Variants in MIA3 observed in about 807,000 individuals in gnomAD.
MIA3 encodes MIA SH3 domain ER export factor 3.
A neutral mutation model predicts 192.4 loss-of-function variants in MIA3; 90 were observed. That is an observed-to-expected ratio of 0.47 (90% confidence interval 0.39 to 0.56). The LOEUF is 0.56. Ranked by LOEUF, MIA3 falls within the 20% of genes least tolerant of loss-of-function variation. The probability of loss-of-function intolerance (pLI) is 0.00; values close to 1 mark genes in which losing one functional copy is unlikely to be tolerated. For synonymous variants in MIA3, 740 were observed against 792.8 expected, an observed-to-expected ratio of 0.93 and a Z score of 1.12; for missense variants, 2,123 against 2,269.4, an observed-to-expected ratio of 0.94 and a Z score of 1.31.
At position 222,632,340 on chromosome 1, in the gene MIA3, A is replaced by T. The variant is rs767189381; in HGVS notation, c.3331+14A>T. Reference sequence around the variant, plus strand: ...ACCTGGACCCAGGTAAAGCCTGCTAATTTTTTTCTACAAAGTGGAGAAATC... The same window carrying T: ...ACCTGGACCCAGGTAAAGCCTGCTATTTTTTTTCTACAAAGTGGAGAAATC... On this transcript the variant is annotated intron_variant, in intron 5 of 27. Coordinates refer to ENST00000344922, the MANE Select transcript of MIA3 (RefSeq NM_198551.4). The T allele has an allele frequency of 2.5e-6, 4 of 1,604,604 alleles. No homozygotes were observed. The Admixed American group carries it at 5.2e-5, about 21-fold the overall frequency.
chr1:222,625,686 C>G (rs988123186), intron 3 of MIA3, among the ~76,000 whole-genome samples: 1 of 152,182 alleles, frequency 6.6e-6, no homozygotes, highest in Admixed American at 6.5e-5. Flanking sequence ...ATCTATAGTG[C>G]ACAATGGCTT....
At position 222,628,680 on chromosome 1, in the gene MIA3, A is replaced by G. The variant is rs1299994326; in HGVS notation, c.1460A>G (p.Asp487Gly). ...GTACAAGATAAGACAGAATTAGAGG[A>G]TGAAAATCAAGAAGGCATGACTGTG... ...GLVQDKTELE[D>G]ENQEGMTVHS... The change falls in exon 4 of 28, where the codon GAT (aspartate) becomes GGT (glycine). Residue 487 changes from aspartate to glycine, a missense_variant. Asp to Gly is a moderately conservative substitution (Grantham distance 94, BLOSUM62 -1). Transcript: ENST00000344922. 1.2e-6 allele frequency: 2 copies of G among 1,614,080 alleles called. No homozygotes were observed. Among genetic ancestry groups the G allele is most frequent in the Admixed American group, 1.7e-5 (1 of 60,024 alleles).
intron 3 of MIA3, 120 bp from the exon 4 acceptor site, chr1:222,627,455 C>A: frequency 2.3e-6 from 2 of 852,120 alleles, no homozygotes; most frequent in Non-Finnish European, 3.7e-6. Flanking sequence ...CCAGTGTTGA[C>A]GCAAAAGCTC....
rs547271666 is a variant in MIA3, at chr1:222,628,725, A to G, written c.1505A>G (p.Asn502Ser). 46 of 1,614,158 alleles carry G rather than the reference A, an allele frequency of 2.8e-5. No homozygotes were observed. The highest frequency in any genetic ancestry group is 1.6e-4 in the Middle Eastern group (1 of 6,062). The change falls in exon 4 of 28, where the codon AAT becomes AGT. Residue 502 changes from asparagine to serine, a missense_variant. Physicochemically the swap from Asn to Ser is conservative, Grantham distance 46. This residue lies in a region of MIA3 where 1,357 missense variants were observed against 1,396.1 expected (regional missense o/e 0.97). Transcript: ENST00000344922. Reference sequence around the variant, plus strand: ...ACTGTGCACAGTTCTGTTCACAGCAATAACCTCAACTCTATGCCAGCTGCT... The same window carrying G: ...ACTGTGCACAGTTCTGTTCACAGCAGTAACCTCAACTCTATGCCAGCTGCT... The part of the protein sequence containing the change: ...GMTVHSSVHS[N>S]NLNSMPAAEK...
intron 6 of MIA3, among the ~76,000 whole-genome samples, chr1:222,634,628 CT>C (rs750602466): frequency 3.9e-5 from 6 of 152,138 alleles, no homozygotes; most frequent in Non-Finnish European, 7.3e-5. Flanking sequence ...TGGAATTGGA[CT>C]TTTTTTCTTG....
At position 222,629,219 on chromosome 1, in the gene MIA3, G is replaced by A. The variant is rs761329626; in HGVS notation, c.1999G>A (p.Ala667Thr). 1 of 1,614,222 alleles carries A rather than the reference G, an allele frequency of 6.2e-7. No homozygotes were observed. The highest frequency in any genetic ancestry group is 8.5e-7 in the Non-Finnish European group (1 of 1,180,038). Residue 667 changes from alanine to threonine, a missense_variant, in exon 4 of 28, where the codon GCC becomes ACC. Ala to Thr is a moderately conservative substitution (Grantham distance 58). Transcript: ENST00000344922. ...ACAAGAAAGAGATGTGGCTGCCACAGCCAGTAAGCAAATGAGTGAGAAGAT... is the reference window on the plus strand; with the variant it reads ...ACAAGAAAGAGATGTGGCTGCCACAACCAGTAAGCAAATGAGTGAGAAGAT... The part of the protein sequence containing the change: ...WQQERDVAAT[A>T]SKQMSEKIRL...
intron 15 of MIA3, 96 bp downstream of exon 15, chr1:222,653,435 T>G (rs1179017388): frequency 1.3e-6 from 1 of 746,908 alleles, no homozygotes; most frequent in Non-Finnish European, 2.3e-6. Flanking sequence ...CTCTTAAGCT[T>G]TCGAGGTGTA....
chr1:222,662,596 TC>T, intron 26 of MIA3: 1 of 814,630 alleles, frequency 1.2e-6, no homozygotes, highest in Non-Finnish European at 1.7e-6. Flanking sequence ...CTTACTTTTA[TC>T]CTTGACTTGG....
chr1:222,643,129 A>T (rs1387058233), intron 6 of MIA3, among the ~76,000 whole-genome samples: 2 of 151,670 alleles, frequency 1.3e-5, no homozygotes, highest in African/African-American at 4.9e-5. Context: ...GCCCACTCAC[A>T]TAATACATAG....
At chr1:222,621,858 G>A (rs1198074569) in intron 2 of MIA3, among the ~76,000 whole-genome samples, 1 of 147,972 alleles carries the variant, frequency 6.8e-6, no homozygotes, top group Non-Finnish European at 1.5e-5. Flanking sequence ...GCCCAGGCTG[G>A]AGTGCCGTGG....
chr1:222,626,912 G>A (rs1331345030), intron 3 of MIA3, among the ~76,000 whole-genome samples: 3 of 152,098 alleles, frequency 2.0e-5, no homozygotes, highest in Non-Finnish European at 2.9e-5. Flanking sequence ...TGACATAGAG[G>A]GCACAATGTA....
chr1:222,640,225 G>C (rs768001841), intron 6 of MIA3, among the ~76,000 whole-genome samples: 2 of 152,124 alleles, frequency 1.3e-5, no homozygotes, highest in Non-Finnish European at 2.9e-5. Context: ...CCTTGTTTAT[G>C]AGTCAGAAGA....
intron 5 of MIA3, 25 bp from the exon 6 acceptor site, chr1:222,633,079 T>G (rs910130098): frequency 7.6e-6 from 12 of 1,569,948 alleles, no homozygotes; most frequent in Non-Finnish European, 1.0e-5. Flanking sequence ...AAGCACAAAA[T>G]GTCTATCTTT....
Position 222,627,610 on chromosome 1 carries a change from TG to T in MIA3, c.391del (p.Asp131IlefsTer7). Reference protein sequence around the residue: ...DFVCFDGGRDDFHNYNVEELL... With the variant: ...DFVCFDGGRDXFHNYNVEELL... ...TTGTTTGTTTTGATGGAGGAAGAGA[TG>T]ATTTTCATAATTATAATGTAGAAGA... On this transcript the variant is annotated frameshift_variant, in exon 4 of 28. Transcript: ENST00000344922. LOFTEE classifies it high-confidence loss of function. The T allele has an allele frequency of 6.3e-7, 1 of 1,580,198 alleles. No homozygotes were observed. Among genetic ancestry groups the T allele is most frequent in the Non-Finnish European group, 8.5e-7 (1 of 1,169,992 alleles).
At chr1:222,649,897 G>A (rs1272548633) in intron 8 of MIA3, 2 of 216,290 alleles carry the variant, frequency 9.2e-6, no homozygotes, top group Non-Finnish European at 1.9e-5. Context: ...ACAGCAGAAG[G>A]CAAAGCGAGA....
chr1:222,650,054 AC>A (rs1663342554), intron 8 of MIA3, among the ~76,000 whole-genome samples: 1 of 152,166 alleles, frequency 6.6e-6, no homozygotes, highest in Non-Finnish European at 1.5e-5. Flanking sequence ...TGAGAAATCT[AC>A]CCTTATGATC....
At position 222,628,980 on chromosome 1, in the gene MIA3, A is replaced by G. The variant is rs769941154; in HGVS notation, c.1760A>G (p.His587Arg). 1.9e-6 allele frequency: 3 copies of G among 1,614,084 alleles called. No homozygotes were observed. In the African/African-American group the frequency reaches 4.0e-5, roughly 22 times the overall value. Residue 587 changes from histidine (H) to arginine (R), a missense_variant, in exon 4 of 28, where the codon CAC (histidine) becomes CGC (arginine). By Grantham distance (29) the His-to-Arg change is conservative. Coordinates refer to ENST00000344922, the MANE Select transcript of MIA3 (RefSeq NM_198551.4). ...AGTGCACCACTCATGGGAGATGACC[A>G]CCCTAACGCATCCAGAGACAGTGTG... Reference protein sequence around the residue: ...LGSAPLMGDDHPNASRDSVEG... With the variant: ...LGSAPLMGDDRPNASRDSVEG...
At chr1:222,621,360 A>G (rs1434803162) in intron 2 of MIA3, 68 bp downstream of exon 2, 11 of 1,446,048 alleles carry the variant, frequency 7.6e-6, no homozygotes, top group Non-Finnish European at 1.0e-5. Context: ...GTAGAGTTAA[A>G]TGACTGCATT....
chr1:222,628,638 A>C lies in MIA3; in HGVS notation c.1418A>C (p.Glu473Ala). The part of the protein sequence containing the change: ...HIKGKGRGVQ[E>A]SKRGLVQDKT... Reference sequence around the variant, plus strand: ...AAAGGAAAAGGGAGGGGAGTTCAGGAATCCAAGAGGGGCCTGGTACAAGAT... The same window carrying C: ...AAAGGAAAAGGGAGGGGAGTTCAGGCATCCAAGAGGGGCCTGGTACAAGAT... Residue 473 changes from glutamate to alanine, a missense_variant, in exon 4 of 28, where the codon GAA (glutamate) becomes GCA (alanine). Around this residue, in one of 3 missense-constraint regions of MIA3, gnomAD observed 1,357 missense variants for 1,396.1 expected, o/e 0.97. Transcript: ENST00000344922. 1 of 1,614,056 alleles carries C rather than the reference A, an allele frequency of 6.2e-7. No homozygotes were observed. The highest frequency in any genetic ancestry group is 2.2e-5 in the East Asian group (1 of 44,876).
Sources: gnomAD v4.1 joint callset for allele counts (sites outside exome capture counted in the v4.1 genomes callset) on GRCh38, gnomAD v4.1.1 for gene constraint, gnomAD v4.1.1 regional missense constraint, MANE v1.5 for transcripts, NCBI Gene and HGNC (gene_info 2026-07-23, HGNC 2026-07-21) for gene names.